LARGE1: variants seen among roughly 807,000 people sequenced by gnomAD.
LARGE1 encodes LARGE xylosyl- and glucuronyltransferase 1, also known as xylosyl- and glucuronyltransferase LARGE1.
LARGE1 carries 43 observed loss-of-function variants against 87.6 expected under a neutral mutation model. That is an observed-to-expected ratio of 0.49 (90% CI 0.38 to 0.63). LARGE1 has a LOEUF of 0.63. LARGE1 is among the 30% of genes least tolerant of loss of function. The probability of loss-of-function intolerance (pLI) is 0.00; values close to 1 mark genes in which losing one functional copy is unlikely to be tolerated. For missense variants in LARGE1, 802 were observed against 1,000.2 expected (o/e 0.80, Z 2.67); for synonymous variants, 434 against 394.6 (o/e 1.10, Z -1.18).
chr22:33,312,417 C>A (rs1284155799), intron 11 of LARGE1, among the ~76,000 whole-genome samples: 1 of 138,120 alleles, frequency 7.2e-6, no homozygotes, highest in South Asian at 2.3e-4. Context: ...TCTGGCCTGG[C>A]GACACCGCAA....
intron 11 of LARGE1, among the ~76,000 whole-genome samples, chr22:33,307,386 T>C (rs572824472): frequency 2.0e-5 from 3 of 152,308 alleles, no homozygotes; most frequent in East Asian, 1.9e-4. Context: ...TTACTATGGA[T>C]TGGGGTTAGG....
rs376123702 is a variant in LARGE1 at position 33,567,309 on chromosome 22, A to G, written c.616-2290T>C. Among the ~76,000 whole-genome samples, 7 of 152,346 alleles carry G rather than the reference A, an allele frequency of 4.6e-5. No individual in the cohort carries two copies. In the East Asian group the frequency reaches 1.2e-3, roughly 25 times the overall value. Reference sequence around the variant, plus strand: ...CTTCACACAGTGGTATAAAAATTAAATTATATTAAAGGACTCAAGGGCGTG... The same window carrying G: ...CTTCACACAGTGGTATAAAAATTAAGTTATATTAAAGGACTCAAGGGCGTG... On this transcript the variant is annotated intron_variant, in intron 5 of 14. Coordinates refer to ENST00000397394, the MANE Select transcript of LARGE1 (RefSeq NM_133642.5).
intron 5 of LARGE1, among the ~76,000 whole-genome samples, chr22:33,569,802 G>T (rs1156554041): frequency 6.6e-6 from 1 of 152,182 alleles, no homozygotes. Flanking sequence ...ATCCTGCTGG[G>T]TTCAATTTTC....
Position 33,283,181 on chromosome 22 carries a change from AC to A in LARGE1, c.1877+20del. 6.2e-7 allele frequency: 1 copy of A among 1,613,924 alleles called. No individual in the cohort carries two copies. The highest frequency in any genetic ancestry group is 8.5e-7 in the Non-Finnish European group (1 of 1,180,020). ...GAAGGCCTTCGAGCACCCCCAGAGT[AC>A]AGCAGCTAGAGCCACTCACCTGAAT... On this transcript the variant is annotated intron_variant, in intron 13 of 14. Coordinates refer to ENST00000397394, the MANE Select transcript of LARGE1 (RefSeq NM_133642.5).
the LARGE1 span, among the ~76,000 whole-genome samples, chr22:33,088,266 G>A: frequency 1.3e-5 from 2 of 152,022 alleles, no homozygotes; most frequent in African/African-American, 2.4e-5. Flanking sequence ...TATGGTTGAC[G>A]GCAGCATGGC....
At chr22:33,496,576 G>C (rs1211925736) in intron 6 of LARGE1, among the ~76,000 whole-genome samples, 2 of 152,096 alleles carry the variant, frequency 1.3e-5, no homozygotes, top group African/African-American at 4.8e-5. Flanking sequence ...AGAACTGTGA[G>C]AAATAAATTT....
chr22:33,109,788 C>T, the LARGE1 span, among the ~76,000 whole-genome samples: 1 of 152,082 alleles, frequency 6.6e-6, no homozygotes, highest in South Asian at 2.1e-4. Context: ...CACTGGAGAT[C>T]TGGTTGTTTA....
chr22:33,404,798 AG>A (rs1220459896), intron 7 of LARGE1, among the ~76,000 whole-genome samples: 1 of 152,192 alleles, frequency 6.6e-6, no homozygotes, highest in Non-Finnish European at 1.5e-5. Flanking sequence ...GTAAGGGGGA[AG>A]GGGGTTGGAG....
intron 9 of LARGE1, among the ~76,000 whole-genome samples, chr22:33,358,221 G>A (rs1364499953): frequency 6.6e-6 from 1 of 152,142 alleles, no homozygotes; most frequent in Non-Finnish European, 1.5e-5. Flanking sequence ...AAATGAAACC[G>A]GCACTGGCCT....
chr22:33,381,500 T>A (rs780275627), intron 9 of LARGE1, among the ~76,000 whole-genome samples: 1 of 152,160 alleles, frequency 6.6e-6, no homozygotes, highest in African/African-American at 2.4e-5. Flanking sequence ...TTTAAATACT[T>A]ACTTCTTTGC....
rs1465147013 is a variant in LARGE1, at chr22:33,887,166, C to G, written c.-83+32829G>C. Among the ~76,000 whole-genome samples the G allele has an allele frequency of 7.2e-5, 11 of 152,230 alleles. No homozygotes were observed. In the East Asian group the frequency reaches 7.7e-4, roughly 11 times the overall value. ...TGTGGTCTGAATATCGATGTCCCCC[C>G]CAAAATTGCTTTGTCAAAATCCTAA... On this transcript the variant is annotated intron_variant, in intron 1 of 14. Transcript: ENST00000397394.
At chr22:33,811,984 A>G (rs977629616) in intron 1 of LARGE1, among the ~76,000 whole-genome samples, 1 of 152,188 alleles carries the variant, frequency 6.6e-6, no homozygotes, top group African/African-American at 2.4e-5. Flanking sequence ...TAAGAGAGGA[A>G]CAAGGAAAGG....
the LARGE1 span, among the ~76,000 whole-genome samples, chr22:33,088,504 G>A: frequency 1.7e-4 from 26 of 152,210 alleles, no homozygotes; most frequent in South Asian, 2.1e-4. Context: ...AATCTGTCTC[G>A]GGCTGAATGC....
At chr22:33,566,988 C>T (rs552521412) in intron 5 of LARGE1, among the ~76,000 whole-genome samples, 12 of 152,310 alleles carry the variant, frequency 7.9e-5, no homozygotes, top group South Asian at 2.1e-4. Context: ...TCACCCTACA[C>T]CCAGGCATCA....
chr22:33,408,655 G>A (rs1221792360), intron 7 of LARGE1, among the ~76,000 whole-genome samples: 1 of 150,042 alleles, frequency 6.7e-6, no homozygotes, highest in Non-Finnish European at 1.5e-5. Context: ...ACTGCAATTA[G>A]AATTTCATAT....
chr22:33,568,180 G>T (rs561926020), intron 5 of LARGE1, among the ~76,000 whole-genome samples: 240 of 152,276 alleles, frequency 1.6e-3, no homozygotes, highest in African/African-American at 5.5e-3. Flanking sequence ...CCTGGCTGAG[G>T]CAGTGACCTT....
intron 7 of LARGE1, among the ~76,000 whole-genome samples, chr22:33,426,362 G>C (rs1319278324): frequency 2.6e-5 from 4 of 152,112 alleles, no homozygotes; most frequent in African/African-American, 9.7e-5. Context: ...TTTAAATATA[G>C]CTTCTCTGGA....
chr22:33,609,169 G>C (rs1297908785), intron 4 of LARGE1, among the ~76,000 whole-genome samples: 1 of 152,168 alleles, frequency 6.6e-6, no homozygotes, highest in Non-Finnish European at 1.5e-5. Context: ...AATGAGCTAC[G>C]AGTGTTCTCT....
chr22:33,919,635 T>A (rs1408529482), intron 1 of LARGE1, among the ~76,000 whole-genome samples: 2 of 152,216 alleles, frequency 1.3e-5, no homozygotes, highest in Admixed American at 1.3e-4. Context: ...AACAGGGCCC[T>A]CTCCAAACAC....
Sources: gnomAD v4.1 joint callset for allele counts (sites outside exome capture counted in the v4.1 genomes callset) on GRCh38, gnomAD v4.1.1 for gene constraint, MANE v1.5 for transcripts, NCBI Gene and HGNC (gene_info 2026-07-23, HGNC 2026-07-21) for gene names.